Variants in FBXW10 observed in about 807,000 individuals in gnomAD.
FBXW10 encodes F-box and WD repeat domain containing 10, also known as F-box/WD repeat-containing protein 10.
In FBXW10, 68 loss-of-function variants were observed where a neutral mutation model predicts 113.1. The ratio of observed to expected loss-of-function variants is 0.60; its 90% CI spans 0.49 to 0.74. The LOEUF is 0.74. Among genes scored for constraint, FBXW10 ranks in the 30% least tolerant of loss-of-function variants. The pLI is 0.00. For missense variants in FBXW10, 753 were observed against 1,284.5 expected, an observed-to-expected ratio of 0.59 and a Z score of 6.32; for synonymous variants, 289 against 481.6, an observed-to-expected ratio of 0.60 and a Z score of 5.24.
At position 18,751,058 on chromosome 17, in the gene FBXW10, G is replaced by A. The variant is rs1191626740; in HGVS notation, c.1122+5G>A. ...AAGTGGAAGCTGAGAACGAAGGTGG[G>A]TTCCAACAGCATCTGGGGCAAGTAG... On this transcript the variant is annotated splice_donor_5th_base_variant and intron_variant, in intron 5 of 13. Transcript: ENST00000395665. 6.8e-6 allele frequency: 11 copies of A among 1,613,738 alleles called. No individual in the cohort carries two copies. The highest frequency in any genetic ancestry group is 7.6e-6 in the Non-Finnish European group (9 of 1,179,886).
In FBXW10 at chr17:18,766,727, C is replaced by T. The variant is rs760798310; in HGVS notation, c.1569C>T (p.Asp523=). Residue 523 remains aspartate, a synonymous_variant, in exon 9 of 14, where the codon GAC becomes GAT. Coordinates refer to ENST00000395665, the MANE Select transcript of FBXW10 (RefSeq NM_001267585.2). ...CCTCCTGTTCAGTATGGGATGTAGA[C>T]ACAGGGAAGTGCCTGAAGACGTTTA... The part of the protein sequence containing the change: ...RDCQVKVWDV[D]TGKCLKTFRH... 5 of 1,613,744 alleles carry T rather than the reference C, an allele frequency of 3.1e-6. No homozygotes were observed. The South Asian group carries it at 3.3e-5, about 11-fold the overall frequency.
intron 5 of FBXW10, among the ~76,000 whole-genome samples, chr17:18,752,996 C>G (rs765693813): frequency 1.4e-4 from 21 of 152,282 alleles, no homozygotes; most frequent in Admixed American, 2.6e-4. Flanking sequence ...GTTTGACATT[C>G]TAGGAATGTT....
chr17:18,755,511 G>T (rs1188474996), intron 5 of FBXW10, among the ~76,000 whole-genome samples: 3 of 151,378 alleles, frequency 2.0e-5, no homozygotes, highest in African/African-American at 7.3e-5. Flanking sequence ...AGCTGAGATC[G>T]CACCACTACA....
intron 12 of FBXW10, among the ~76,000 whole-genome samples, chr17:18,774,380 A>T (rs1273444899): frequency 6.6e-6 from 1 of 152,134 alleles, no homozygotes; most frequent in Non-Finnish European, 1.5e-5. Context: ...CTTTTCACAG[A>T]CTCCAGGTAA....
chr17:18,775,201 A>C lies in FBXW10; in HGVS notation c.2335+9A>C, dbSNP rs746109912. 11 of 1,594,256 alleles carry C rather than the reference A, an allele frequency of 6.9e-6. No homozygotes were observed. The highest frequency in any genetic ancestry group is 9.5e-6 in the Non-Finnish European group (11 of 1,162,034). On this transcript the variant is annotated intron_variant, in intron 13 of 13. Coordinates refer to ENST00000395665, the MANE Select transcript of FBXW10 (RefSeq NM_001267585.2). The stretch of plus-strand genomic sequence containing the variant: ...ATCACCCCGAAGAGATGGTAAGAAG[A>C]GAGTTTATTCTGTTCATAAGGGAAC...
intron 8 of FBXW10, 68 bp downstream of exon 8, chr17:18,764,931 T>A: frequency 6.2e-7 from 1 of 1,613,112 alleles, no homozygotes. Context: ...AAATGCTTTG[T>A]TTTGCTCATT....
At chr17:18,748,126 A>G (rs1277805523) in intron 2 of FBXW10, 21 bp downstream of exon 2, 1 of 1,613,632 alleles carries the variant, frequency 6.2e-7, no homozygotes, top group Non-Finnish European at 8.5e-7. Context: ...TTTCAGCAAG[A>G]AAGCCAATAT....
At chr17:18,758,875 AAC>A (rs2035325036) in intron 7 of FBXW10, among the ~76,000 whole-genome samples, 1 of 151,736 alleles carries the variant, frequency 6.6e-6, no homozygotes, top group African/African-American at 2.4e-5. Flanking sequence ...GTGCTTTAAA[AAC>A]ACATACGTGG....
At chr17:18,755,709 C>CT (rs747900542) in intron 5 of FBXW10, among the ~76,000 whole-genome samples, 6 of 152,120 alleles carry the variant, frequency 3.9e-5, no homozygotes, top group Non-Finnish European at 8.8e-5. Flanking sequence ...GCACCTGTGA[C>CT]TTTATGTTGT....
At chr17:18,775,041 A>C (rs2035677353) in intron 12 of FBXW10, 95 bp from the exon 13 acceptor site, 1 of 755,092 alleles carries the variant, frequency 1.3e-6, no homozygotes, top group Admixed American at 2.4e-5. Context: ...TATAAAAATC[A>C]GTCCAATTAT....
At chr17:18,761,951 G>T (rs181233133) in intron 7 of FBXW10, among the ~76,000 whole-genome samples, 306 of 151,760 alleles carry the variant, frequency 2.0e-3, no homozygotes, top group African/African-American at 7.2e-3. Flanking sequence ...TTCATAATTG[G>T]TTTTTCTTTT....
rs2035259502 is a variant in FBXW10, at chr17:18,756,150, G to A, written c.1228G>A (p.Asp410Asn). Residue 410 changes from aspartate to asparagine, a missense_variant, in exon 6 of 14, where the codon GAC becomes AAC. By Grantham distance (23) the Asp-to-Asn change is conservative. Coordinates refer to ENST00000395665, the MANE Select transcript of FBXW10 (RefSeq NM_001267585.2). ...CGTYNVRILSDTWDQNRVIHY... is the reference protein window; with the variant it reads ...CGTYNVRILSNTWDQNRVIHY... The stretch of plus-strand genomic sequence containing the variant: ...GACCTACAATGTTCGCATTCTCTCT[G>A]ACACGTAGGTACTGGGGTCAGAATC... 1.2e-6 allele frequency: 2 copies of A among 1,613,394 alleles called. No individual in the cohort carries two copies. The highest frequency in any genetic ancestry group is 1.3e-5 in the African/African-American group (1 of 74,922).
chr17:18,760,537 C>T (rs1003614378), intron 7 of FBXW10, among the ~76,000 whole-genome samples: 38 of 152,230 alleles, frequency 2.5e-4, no homozygotes, highest in African/African-American at 8.2e-4. Flanking sequence ...GGCGCGGTGG[C>T]TCATGCCTGT....
chr17:18,776,034 A>AAG (rs2035691861), intron 13 of FBXW10, among the ~76,000 whole-genome samples: 1 of 150,710 alleles, frequency 6.6e-6, no homozygotes, highest in South Asian at 2.1e-4. Context: ...AAAAAAAAAA[A>AAG]GTGGCCGGGC....
rs1409413575 is a variant in FBXW10 at position 18,750,064 on chromosome 17, C to T, written c.926C>T (p.Ala309Val). The change falls in exon 4 of 14, where the codon GCC becomes GTC. Residue 309 changes from alanine (A) to valine (V), a missense_variant. Physicochemically the swap from Ala to Val is moderately conservative, Grantham distance 64. Coordinates refer to ENST00000395665, the MANE Select transcript of FBXW10 (RefSeq NM_001267585.2). ...TGCGCCTCTGTGAGCCAGCACTGGGCCGCCATGGCTCAACAGGTCAAGATG... is the reference window on the plus strand; with the variant it reads ...TGCGCCTCTGTGAGCCAGCACTGGGTCGCCATGGCTCAACAGGTCAAGATG... Reference protein sequence around the residue: ...NKCASVSQHWAAMAQQVKMDL... With the variant: ...NKCASVSQHWVAMAQQVKMDL... 8 of 1,613,480 alleles carry T rather than the reference C, an allele frequency of 5.0e-6. No homozygotes were observed. The highest frequency in any genetic ancestry group is 6.8e-6 in the Non-Finnish European group (8 of 1,179,882).
At chr17:18,763,661 A>G (rs1204943416) in intron 7 of FBXW10, among the ~76,000 whole-genome samples, 1 of 152,180 alleles carries the variant, frequency 6.6e-6, no homozygotes, top group Non-Finnish European at 1.5e-5. Flanking sequence ...ATGGCAGTTG[A>G]GAGACCTTGG....
intron 11 of FBXW10, 91 bp from the exon 12 acceptor site, chr17:18,772,321 A>T: frequency 8.1e-7 from 1 of 1,233,348 alleles, no homozygotes; most frequent in Non-Finnish European, 1.2e-6. Flanking sequence ...CTGTTCCTTT[A>T]GTCTAAAGAC....
intron 10 of FBXW10, chr17:18,769,517 C>T (rs2035566852): frequency 1.2e-5 from 2 of 163,204 alleles, no homozygotes; most frequent in Admixed American, 1.3e-4. Flanking sequence ...TGGCGCACGC[C>T]TGTAATCCCA....
intron 1 of FBXW10, 54 bp downstream of exon 1, chr17:18,744,803 G>C: frequency 6.3e-7 from 1 of 1,582,404 alleles, no homozygotes; most frequent in South Asian, 1.1e-5. Flanking sequence ...AGAAGGCAAG[G>C]CTTCAGAAAT....
Sources: allele counts gnomAD v4.1 joint callset (sites outside exome capture counted in the v4.1 genomes callset), GRCh38; gene constraint gnomAD v4.1.1; transcripts MANE v1.5; gene names NCBI Gene and HGNC (gene_info 2026-07-23, HGNC 2026-07-21).